The following TNNI3K variants were observed in gnomAD, a reference collection of about 807,000 sequenced individuals.
The protein encoded by TNNI3K is serine/threonine-protein kinase TNNI3K.
Under a neutral mutation model 114.5 loss-of-function variants are expected in TNNI3K, and 140 were observed. That is an observed-to-expected ratio of 1.22 (90% CI 1.07 to 1.41). TNNI3K has a LOEUF of 1.41. Among genes scored for constraint, TNNI3K ranks in the 40% most tolerant of loss-of-function variants. TNNI3K has a pLI of 0.00. For synonymous variants in TNNI3K, 347 were observed against 347.5 expected (o/e 1.00, Z 0.02); for missense variants, 1,125 against 1,007.6 (o/e 1.12, Z -1.58).
chr1:74,508,842 A>C (rs927169846), intron 23 of TNNI3K, among the ~76,000 whole-genome samples: 1 of 152,172 alleles, frequency 6.6e-6, no homozygotes, highest in Admixed American at 6.5e-5. Context: ...AACAGTGTAA[A>C]CTTGGGCCTC....
chr1:74,265,744 A>G (rs1364979753), intron 4 of TNNI3K, among the ~76,000 whole-genome samples: 1 of 152,036 alleles, frequency 6.6e-6, no homozygotes, highest in Non-Finnish European at 1.5e-5. Context: ...ATACAATTGT[A>G]TCTTCATTTT....
At chr1:74,447,214 C>T (rs1278882148) in intron 20 of TNNI3K, among the ~76,000 whole-genome samples, 2 of 150,466 alleles carry the variant, frequency 1.3e-5, no homozygotes, top group Non-Finnish European at 2.9e-5. Context: ...TCTTTTATTT[C>T]TTTGAGCAGT....
chr1:74,322,365 T>C (rs1659658709), intron 5 of TNNI3K, among the ~76,000 whole-genome samples: 1 of 152,140 alleles, frequency 6.6e-6, no homozygotes. Flanking sequence ...TCATCTCCCC[T>C]TGTAGGCATC....
intron 5 of TNNI3K, among the ~76,000 whole-genome samples, chr1:74,325,586 G>A (rs1215981253): frequency 6.6e-6 from 1 of 152,184 alleles, no homozygotes; most frequent in Non-Finnish European, 1.5e-5. Flanking sequence ...AAGCATCCAT[G>A]AGAATGGGCA....
intron 2 of TNNI3K, among the ~76,000 whole-genome samples, chr1:74,244,331 A>G (rs775399578): frequency 2.0e-4 from 31 of 152,140 alleles, no homozygotes; most frequent in Non-Finnish European, 4.1e-4. Context: ...AGCAACAAGC[A>G]GCGGCTCAGT....
chr1:74,511,821 AAG>A (rs1301392349), intron 23 of TNNI3K, among the ~76,000 whole-genome samples: 1 of 152,088 alleles, frequency 6.6e-6, no homozygotes, highest in Non-Finnish European at 1.5e-5. Context: ...GAAAGGAAGA[AAG>A]AGTGTACTAG....
At chr1:74,453,254 C>G (rs1004824358) in intron 20 of TNNI3K, among the ~76,000 whole-genome samples, 1 of 151,984 alleles carries the variant, frequency 6.6e-6, no homozygotes, top group Non-Finnish European at 1.5e-5. Context: ...TTCCAATATC[C>G]CAGATATTAA....
chr1:74,358,918 C>T (rs774958137), intron 11 of TNNI3K, among the ~76,000 whole-genome samples: 22 of 151,878 alleles, frequency 1.4e-4, no homozygotes, highest in Non-Finnish European at 2.4e-4. Context: ...CATTGAGTAT[C>T]TTTTACAGAT....
chr1:74,434,945 G>T (rs1051434231), intron 17 of TNNI3K, among the ~76,000 whole-genome samples: 1 of 151,938 alleles, frequency 6.6e-6, no homozygotes, highest in African/African-American at 2.4e-5. Flanking sequence ...ACTCACTCAA[G>T]ATTAAGAAAT....
At chr1:74,318,534 A>T (rs1659441576) in intron 5 of TNNI3K, among the ~76,000 whole-genome samples, 4 of 152,226 alleles carry the variant, frequency 2.6e-5, no homozygotes, top group African/African-American at 9.6e-5. Context: ...CCAGTGGATG[A>T]GCAAATGTTT....
chr1:74,426,526 T>C (rs887728294), intron 17 of TNNI3K, among the ~76,000 whole-genome samples: 3 of 152,046 alleles, frequency 2.0e-5, no homozygotes, highest in African/African-American at 7.2e-5. Flanking sequence ...CGCCAGGGTC[T>C]TCTAACAGGA....
At chr1:74,381,840 G>A (rs1170324801) in intron 17 of TNNI3K, among the ~76,000 whole-genome samples, 1 of 152,148 alleles carries the variant, frequency 6.6e-6, no homozygotes, top group East Asian at 1.9e-4. Flanking sequence ...ACTTAAAGGT[G>A]CAATTTAAAC....
At chr1:74,328,718 G>T (rs1226914909) in intron 5 of TNNI3K, among the ~76,000 whole-genome samples, 1 of 151,920 alleles carries the variant, frequency 6.6e-6, no homozygotes, top group Non-Finnish European at 1.5e-5. Context: ...CTGGAGAAGT[G>T]CAAACTTAGG....
chr1:74,244,280 T>A (rs1379196476), intron 2 of TNNI3K, among the ~76,000 whole-genome samples: 1 of 152,088 alleles, frequency 6.6e-6, no homozygotes, highest in Non-Finnish European at 1.5e-5. Flanking sequence ...TAAGAGAAGC[T>A]GCATGAGTTC....
At chr1:74,469,811 T>C (rs779728978) in intron 21 of TNNI3K, 6 of 399,348 alleles carry the variant, frequency 1.5e-5, no homozygotes, top group Non-Finnish European at 2.7e-5. Context: ...CAAAGGCTAG[T>C]GGGTGTTTGT....
At chr1:74,272,016 CT>C (rs1656383085) in intron 5 of TNNI3K, among the ~76,000 whole-genome samples, 1 of 151,894 alleles carries the variant, frequency 6.6e-6, no homozygotes, top group Non-Finnish European at 1.5e-5. Context: ...TGACCTCCCT[CT>C]TTTCTTCACT....
rs201564944 is a variant in TNNI3K, at chr1:74,249,483, C to T, written c.174C>T (p.Val58=). ...GCTCTGATGAAGCCTTCAGTAAAGT[C>T]AATTTAAATTACCGCACTGAAAATG... ...IFGSDEAFSK[V]NLNYRTENGL... is the part of the protein sequence containing the mutation. Residue 58 remains valine (V), a synonymous_variant, in exon 3 of 25, where the codon GTC becomes GTT. Coordinates refer to ENST00000326637, the MANE Select transcript of TNNI3K (RefSeq NM_015978.3). 6.2e-6 allele frequency: 10 copies of T among 1,613,304 alleles called. No homozygotes were observed. The highest frequency in any genetic ancestry group is 8.5e-6 in the Non-Finnish European group (10 of 1,179,700).
At position 74,439,309 on chromosome 1, in the gene TNNI3K, T is replaced by C. The variant is rs45507499; in HGVS notation, c.1879-181T>C. On this transcript the variant is annotated intron_variant, in intron 19 of 24. Coordinates refer to ENST00000326637, the MANE Select transcript of TNNI3K (RefSeq NM_015978.3). ...AACTGAACAGCCACAGTAAACACACTGTGTATGTATAAACATGTTTATTGC... is the reference window on the plus strand; with the variant it reads ...AACTGAACAGCCACAGTAAACACACCGTGTATGTATAAACATGTTTATTGC... The C allele has an allele frequency of 9.0e-4, 762 of 849,456 alleles. 5 individuals carry two copies. The African/African-American group carries it at 0.012, about 13-fold the overall frequency. 52.6% of individuals were successfully genotyped at this position (849,456 alleles called of 1,614,324 possible).
chr1:74,324,396 A>T (rs890836153), intron 5 of TNNI3K, among the ~76,000 whole-genome samples: 50 of 152,252 alleles, frequency 3.3e-4, no homozygotes, highest in African/African-American at 1.2e-3. Context: ...ACAGTAACAT[A>T]GTCATGATCC....
Sources: gnomAD v4.1 joint callset for allele counts (sites outside exome capture counted in the v4.1 genomes callset) on GRCh38, gnomAD v4.1.1 for gene constraint, MANE v1.5 for transcripts, NCBI Gene and HGNC (gene_info 2026-07-23, HGNC 2026-07-21) for gene names.